BEST1: variants seen among roughly 807,000 people sequenced by gnomAD.
BEST1 encodes bestrophin-1.
Under a neutral mutation model 63.3 loss-of-function variants are expected in BEST1, and 58 were observed. That is an observed-to-expected ratio of 0.92 (90% CI 0.74 to 1.14). BEST1 has a LOEUF of 1.14. Among genes scored for constraint, BEST1 ranks in the 50% most tolerant of loss-of-function variants. The probability of loss-of-function intolerance (pLI) is 0.00; values close to 1 mark genes in which losing one functional copy is unlikely to be tolerated. For synonymous variants in BEST1, 283 were observed against 291.6 expected, an observed-to-expected ratio of 0.97 and a Z score of 0.30; for missense variants, 671 against 740.1, an observed-to-expected ratio of 0.91 and a Z score of 1.08.
intron 3 of BEST1, 31 bp from the exon 4 acceptor site, chr11:61,955,687 T>G: frequency 1.3e-3 from 1,256 of 966,142 alleles, no homozygotes; most frequent in Non-Finnish European, 1.8e-3. Context: ...GCCTGGCCCC[T>G]CGCCCCTCGC....
chr11:61,964,339 T>C lies in BEST1; in HGVS notation c.*217T>C. 1.1e-6 allele frequency: 1 copy of C among 925,590 alleles called. No homozygotes were observed. The highest frequency in any genetic ancestry group is 1.6e-6 in the Non-Finnish European group (1 of 632,340). 57.3% of individuals were successfully genotyped at this position (925,590 alleles called of 1,614,324 possible). On this transcript the variant is annotated 3_prime_UTR_variant, in exon 11 of 11. Transcript: ENST00000378043. ...AACTGTGAAAGCTAGACTGAACCAT[T>C]GGAAACATTTAACTCAGACTCTGGA...
rs762070687 is a variant in BEST1, at chr11:61,955,175, A to G, written c.221A>G (p.Gln74Arg). 6 of 1,614,064 alleles carry G rather than the reference A, an allele frequency of 3.7e-6. No homozygotes were observed. In the African/African-American group the frequency reaches 5.3e-5, roughly 14 times the overall value. Reference sequence around the variant, plus strand: ...ACTCTGTATTGCGACAGCTACATCCAGCTCATCCCCATTTCCTTCGTGCTG... The same window carrying G: ...ACTCTGTATTGCGACAGCTACATCCGGCTCATCCCCATTTCCTTCGTGCTG... ...KLTLYCDSYIQLIPISFVLGF... is the reference protein window; with the variant it reads ...KLTLYCDSYIRLIPISFVLGF... Residue 74 changes from glutamine to arginine, a missense_variant, in exon 3 of 11, where the codon CAG (glutamine) becomes CGG (arginine). Transcript: ENST00000378043.
Position 61,962,815 on chromosome 11 carries a change from A to G in BEST1, c.1661A>G (p.Glu554Gly), listed in dbSNP as rs1942214888. 6.2e-7 allele frequency: 1 copy of G among 1,614,070 alleles called. No homozygotes were observed. The highest frequency in any genetic ancestry group is 8.5e-7 in the Non-Finnish European group (1 of 1,180,054). ...GAGATCCCCGAAAATCACCTCAAAGAACCTTTGGAACAATCACCAACCAAC... is the reference window on the plus strand; with the variant it reads ...GAGATCCCCGAAAATCACCTCAAAGGACCTTTGGAACAATCACCAACCAAC... ...MPEIPENHLKEPLEQSPTNIH... is the reference protein window; with the variant it reads ...MPEIPENHLKGPLEQSPTNIH... Residue 554 changes from glutamate to glycine, a missense_variant, in exon 10 of 11, where the codon GAA (glutamate) becomes GGA (glycine). Coordinates refer to ENST00000378043, the MANE Select transcript of BEST1 (RefSeq NM_004183.4).
In BEST1 at chr11:61,955,160, G is replaced by A. The variant is rs769721970; in HGVS notation, c.206G>A (p.Cys69Tyr). The A allele has an allele frequency of 6.2e-7, 1 of 1,614,196 alleles. No homozygotes were observed. The highest frequency in any genetic ancestry group is 1.3e-5 in the African/African-American group (1 of 75,052). The change falls in exon 3 of 11, where the codon TGC becomes TAC. Residue 69 changes from cysteine (C) to tyrosine (Y), a missense_variant. Physicochemically the swap from Cys to Tyr is radical, Grantham distance 194. Transcript: ENST00000378043. ...QLMFEKLTLY[C>Y]DSYIQLIPIS... ...ATGTTTGAGAAACTGACTCTGTATT[G>A]CGACAGCTACATCCAGCTCATCCCC...
In BEST1 at chr11:61,951,791, A is replaced by G; in HGVS notation, c.-16A>G. ...ACCAGGACCCAAGCCCACCTGCTGC[A>G]GCCCACTGCCTGGCCATGACCATCA... On this transcript the variant is annotated 5_prime_UTR_variant, in exon 2 of 11. Transcript: ENST00000378043. The G allele has an allele frequency of 6.2e-7, 1 of 1,611,284 alleles. No individual in the cohort carries two copies. Among genetic ancestry groups the G allele is most frequent in the Non-Finnish European group, 8.5e-7 (1 of 1,179,936 alleles).
chr11:61,957,998 AAAGGGGTT>A, intron 6 of BEST1, 140 bp from the exon 7 acceptor site: 68 of 1,326,610 alleles, frequency 5.1e-5, no homozygotes, highest in Middle Eastern at 2.5e-4. Flanking sequence ...ACAAACAAAC[AAAGGGGTT>A]AACAGAGCCC....
chr11:61,955,475 G>GAGGGGGTCTGGCGGATTGC, intron 3 of BEST1: 1 of 1,262,350 alleles, frequency 7.9e-7, no homozygotes, highest in African/African-American at 1.5e-5. Flanking sequence ...CGCGGGAGGG[G>GAGGGGGTCTGGCGGATTGC]AGGGGGTCTG....
rs945871700 is a variant in BEST1, at chr11:61,960,279, T to C, written c.1100+236T>C. On this transcript the variant is annotated intron_variant, in intron 9 of 10. Coordinates refer to ENST00000378043, the MANE Select transcript of BEST1 (RefSeq NM_004183.4). Reference sequence around the variant, plus strand: ...AGAGAGTAAGTTGTCCAAGGCCACATAGCTACCAAATGGTGCATTTGCTAC... The same window carrying C: ...AGAGAGTAAGTTGTCCAAGGCCACACAGCTACCAAATGGTGCATTTGCTAC... The C allele has an allele frequency of 9.8e-6, 6 of 614,994 alleles. 1 individual carries two copies. Among genetic ancestry groups the C allele is most frequent in the South Asian group, 6.0e-5 (3 of 50,406 alleles). 38.1% of individuals were successfully genotyped at this position (614,994 alleles called of 1,614,324 possible). A position where few individuals can be genotyped will look rare whatever the true frequency, so the allele number is the denominator to read the frequency against.
intron 4 of BEST1, 101 bp downstream of exon 4, chr11:61,956,052 C>A: frequency 8.3e-7 from 1 of 1,210,258 alleles, no homozygotes; most frequent in South Asian, 1.4e-5. Flanking sequence ...CCCCCGGACT[C>A]GGGGGATTGG....
At chr11:61,955,683 C>T (rs1437327206) in intron 3 of BEST1, 35 bp from the exon 4 acceptor site, 2 of 1,512,708 alleles carry the variant, frequency 1.3e-6, no homozygotes, top group African/African-American at 1.4e-5. Flanking sequence ...CGCAGCCTGG[C>T]CCCTCGCCCC....
At chr11:61,965,044 A>AT, downstream of BEST1, 1 of 1,612,822 alleles carries the variant, frequency 6.2e-7, no homozygotes, top group South Asian at 1.1e-5. Flanking sequence ...ACTGATTCAC[A>AT]TTTTTTTCCA....
chr11:61,952,121 G>A (rs1156628043), intron 2 of BEST1, among the ~76,000 whole-genome samples, 163 bp downstream of exon 2: 1 of 152,024 alleles, frequency 6.6e-6, no homozygotes. Context: ...GGCTGGGGCT[G>A]GGGGCTGGGG....
intron 10 of BEST1, chr11:61,963,172 C>A: frequency 3.5e-6 from 5 of 1,442,148 alleles, no homozygotes; most frequent in Non-Finnish European, 4.6e-6. Context: ...CAGAATGCTG[C>A]TGGAGAACTG....
intron 1 of BEST1, among the ~76,000 whole-genome samples, chr11:61,950,977 T>G (rs1447431694): frequency 1.3e-5 from 2 of 152,118 alleles, no homozygotes; most frequent in East Asian, 1.9e-4. Flanking sequence ...GGAGCCACCA[T>G]TCAGTAAACA....
chr11:61,963,690 A>G (rs1324010637), intron 10 of BEST1: 1 of 1,085,460 alleles, frequency 9.2e-7, no homozygotes, highest in Non-Finnish European at 1.1e-6. Context: ...TTCTAGGGCT[A>G]GACAGGAACT....
chr11:61,953,576 GGC>G (rs1291918231), intron 2 of BEST1, among the ~76,000 whole-genome samples: 2 of 152,186 alleles, frequency 1.3e-5, no homozygotes, highest in African/African-American at 4.8e-5. Context: ...CGAGTGGGGT[GGC>G]ACGCACCTGT....
chr11:61,957,154 C>T (rs1456606753), intron 5 of BEST1, among the ~76,000 whole-genome samples, 156 bp downstream of exon 5: 2 of 152,146 alleles, frequency 1.3e-5, no homozygotes, highest in African/African-American at 2.4e-5. Context: ...ATCCACAGCC[C>T]GAGGTGGTCC....
rs1014802968 is a variant in BEST1, at chr11:61,961,977, G to A, written c.1101-278G>A. On this transcript the variant is annotated intron_variant, in intron 9 of 10. Transcript: ENST00000378043. ...GGGTTTTACAGGGGAAGTGAATGAT[G>A]AGGAGGCCTTTACACGCCAGGCGGG... 46 of 501,842 alleles carry A rather than the reference G, an allele frequency of 9.2e-5. No individual in the cohort carries two copies. In the Admixed American group the frequency reaches 1.3e-3, roughly 14 times the overall value. 31.1% of individuals were successfully genotyped at this position (501,842 alleles called of 1,614,324 possible). A position where few individuals can be genotyped will look rare whatever the true frequency, so the allele number is the denominator to read the frequency against.
chr11:61,965,114 TGAATGA>T, downstream of BEST1: 1 of 1,604,070 alleles, frequency 6.2e-7, no homozygotes, highest in Non-Finnish European at 8.5e-7. Context: ...GTCTGGTTTC[TGAATGA>T]GAATAGGTTA....
Sources: allele counts gnomAD v4.1 joint callset (sites outside exome capture counted in the v4.1 genomes callset), GRCh38; gene constraint gnomAD v4.1.1; transcripts MANE v1.5; gene names NCBI Gene and HGNC (gene_info 2026-07-23, HGNC 2026-07-21).